CDH12: variants seen among roughly 807,000 people sequenced by gnomAD.
CDH12 encodes cadherin 12.
CDH12 carries 41 observed loss-of-function variants against 74.1 expected under a neutral mutation model. That is an observed-to-expected ratio of 0.55 (90% CI 0.43 to 0.72). The LOEUF is 0.72. CDH12 is among the 30% of genes least tolerant of loss of function. CDH12 has a pLI of 0.00. For synonymous variants in CDH12, 399 were observed against 355.0 expected, an observed-to-expected ratio of 1.12 and a Z score of -1.39; for missense variants, 945 against 977.2, an observed-to-expected ratio of 0.97 and a Z score of 0.44.
chr5:21,818,582 G>A (rs1189600394), intron 8 of CDH12, among the ~76,000 whole-genome samples: 2 of 151,744 alleles, frequency 1.3e-5, no homozygotes, highest in Admixed American at 6.6e-5. Context: ...CAGATCAGCC[G>A]TATTTAAATC....
intron 1 of CDH12, among the ~76,000 whole-genome samples, chr5:22,736,085 C>T (rs553912663): frequency 2.6e-5 from 4 of 151,802 alleles, no homozygotes; most frequent in African/African-American, 9.7e-5. Context: ...TGAGCTCAGA[C>T]TCCTTACCTA....
intron 8 of CDH12, among the ~76,000 whole-genome samples, chr5:21,825,165 A>T (rs973137098): frequency 3.3e-5 from 5 of 151,782 alleles, no homozygotes; most frequent in African/African-American, 1.2e-4. Context: ...AAAAAAAAAA[A>T]AAAGAAAAAA....
intron 3 of CDH12, among the ~76,000 whole-genome samples, chr5:22,310,770 A>T (rs1338234691): frequency 6.6e-6 from 1 of 152,172 alleles, no homozygotes; most frequent in Non-Finnish European, 1.5e-5. Flanking sequence ...AATCTTAGTC[A>T]TCTTTTATCA....
intron 2 of CDH12, among the ~76,000 whole-genome samples, chr5:22,502,063 C>T (rs1472787618): frequency 1.3e-5 from 2 of 152,124 alleles, no homozygotes; most frequent in Non-Finnish European, 2.9e-5. Context: ...TCTTTGCATC[C>T]TCATCTTCAT....
intron 4 of CDH12, among the ~76,000 whole-genome samples, chr5:22,147,023 T>G (rs764325684): frequency 3.3e-5 from 5 of 152,174 alleles, no homozygotes; most frequent in Non-Finnish European, 7.4e-5. Flanking sequence ...CACATCTTTG[T>G]GATATTACTT....
At chr5:22,837,419 T>A (rs1234425593) in intron 1 of CDH12, among the ~76,000 whole-genome samples, 2 of 151,840 alleles carry the variant, frequency 1.3e-5, no homozygotes, top group African/African-American at 2.4e-5. Context: ...AAAATAAAAA[T>A]TAAAATAAAA....
chr5:22,767,366 T>G (rs1220879015), intron 1 of CDH12, among the ~76,000 whole-genome samples: 1 of 152,014 alleles, frequency 6.6e-6, no homozygotes, highest in Non-Finnish European at 1.5e-5. Context: ...TATTTTCCTT[T>G]TGCACTTCAA....
At chr5:21,840,633 G>A (rs1416808937) in intron 8 of CDH12, among the ~76,000 whole-genome samples, 1 of 151,812 alleles carries the variant, frequency 6.6e-6, no homozygotes, top group Non-Finnish European at 1.5e-5. Flanking sequence ...AACCAAAACA[G>A]CATGGTACTG....
chr5:22,776,116 C>A (rs1295838964), intron 1 of CDH12, among the ~76,000 whole-genome samples: 1 of 152,042 alleles, frequency 6.6e-6, no homozygotes, highest in African/African-American at 2.4e-5. Context: ...AGCATGAATG[C>A]GGACTAATAC....
At chr5:22,040,360 G>C (rs1739490728) in intron 5 of CDH12, among the ~76,000 whole-genome samples, 1 of 152,108 alleles carries the variant, frequency 6.6e-6, no homozygotes, top group Non-Finnish European at 1.5e-5. Context: ...TTGAGAAGTT[G>C]AAGAGGCCAA....
At chr5:21,834,705 C>T (rs905668054) in intron 8 of CDH12, among the ~76,000 whole-genome samples, 1 of 151,734 alleles carries the variant, frequency 6.6e-6, no homozygotes, top group Non-Finnish European at 1.5e-5. Context: ...AAACCTCCAC[C>T]TGCTTTCGAT....
chr5:22,520,061 A>G (rs878890559), intron 1 of CDH12, among the ~76,000 whole-genome samples: 6 of 152,142 alleles, frequency 3.9e-5, no homozygotes, highest in Non-Finnish European at 8.8e-5. Flanking sequence ...AGTAAATTAC[A>G]TTTTATATGT....
intron 1 of CDH12, among the ~76,000 whole-genome samples, chr5:22,676,319 C>A (rs1741187533): frequency 1.3e-5 from 2 of 152,116 alleles, no homozygotes; most frequent in African/African-American, 4.8e-5. Context: ...CCTAAATATC[C>A]TGTCATGAAT....
At chr5:22,510,549 G>A (rs560536757) in intron 1 of CDH12, among the ~76,000 whole-genome samples, 1 of 152,158 alleles carries the variant, frequency 6.6e-6, no homozygotes, top group South Asian at 2.1e-4. Context: ...CAGCCACAAG[G>A]GATTGGTTCC....
At chr5:22,349,796 G>A (rs541562619) in intron 3 of CDH12, among the ~76,000 whole-genome samples, 110 of 152,162 alleles carry the variant, frequency 7.2e-4, no homozygotes, top group Non-Finnish European at 1.3e-3. Flanking sequence ...GTGCAGTGGC[G>A]CAATCTCGGC....
intron 6 of CDH12, among the ~76,000 whole-genome samples, chr5:21,886,615 G>T (rs1752647364): frequency 6.8e-6 from 1 of 147,994 alleles, no homozygotes; most frequent in South Asian, 2.1e-4. Context: ...ACTCTTTGAG[G>T]TTTTGTTCTA....
At chr5:22,302,266 G>T (rs186115685) in intron 3 of CDH12, among the ~76,000 whole-genome samples, 2 of 152,054 alleles carry the variant, frequency 1.3e-5, no homozygotes, top group African/African-American at 4.8e-5. Context: ...CATGTACATA[G>T]GCAAATTAGT....
chr5:22,824,877 T>G (rs1218697581), intron 1 of CDH12, among the ~76,000 whole-genome samples: 1 of 151,576 alleles, frequency 6.6e-6, no homozygotes, highest in Non-Finnish European at 1.5e-5. Flanking sequence ...TGTCCAAAAT[T>G]TATATATATA....
At chr5:21,809,917 A>G (rs1315949620) in intron 9 of CDH12, among the ~76,000 whole-genome samples, 1 of 152,134 alleles carries the variant, frequency 6.6e-6, no homozygotes, top group Non-Finnish European at 1.5e-5. Flanking sequence ...GGAGTGATCA[A>G]CTTTGCCTGA....
Sources: gnomAD v4.1 joint callset for allele counts (sites outside exome capture counted in the v4.1 genomes callset) on GRCh38, gnomAD v4.1.1 for gene constraint, MANE v1.5 for transcripts, NCBI Gene and HGNC (gene_info 2026-07-23, HGNC 2026-07-21) for gene names.